Variants in FGF14 observed in about 807,000 individuals in gnomAD.
FGF14 encodes fibroblast growth factor 14.
In FGF14, 5 loss-of-function variants were observed where a neutral mutation model predicts 25.5. That is an observed-to-expected ratio of 0.20 (90% CI 0.10 to 0.41). The LOEUF (loss-of-function observed/expected upper bound fraction) is 0.41. FGF14 is among the 10% of genes least tolerant of loss of function. The probability of loss-of-function intolerance (pLI) is 1.00; values close to 1 mark genes in which losing one functional copy is unlikely to be tolerated. For synonymous variants in FGF14, 138 were observed against 118.3 expected (o/e 1.17, Z -1.08); for missense variants, 222 against 320.1 (o/e 0.69, Z 2.34).
intron 3 of FGF14, among the ~76,000 whole-genome samples, chr13:101,733,112 G>A (rs1256024541): frequency 6.6e-6 from 1 of 152,122 alleles, no homozygotes; most frequent in African/African-American, 2.4e-5. Flanking sequence ...CAGTCCTGAA[G>A]TTGAAACAAA....
At chr13:101,739,759 G>A (rs758026568) in intron 3 of FGF14, among the ~76,000 whole-genome samples, 26 of 152,062 alleles carry the variant, frequency 1.7e-4, no homozygotes, top group Non-Finnish European at 2.2e-4. Flanking sequence ...AGAGAGAGAC[G>A]CTCTCATATT....
intron 1 of FGF14, among the ~76,000 whole-genome samples, chr13:101,924,639 T>C (rs186370132): frequency 6.6e-5 from 10 of 152,338 alleles, no homozygotes; most frequent in Non-Finnish European, 5.9e-5. Context: ...TGTCTGTTTA[T>C]AAAACATCCA....
chr13:101,980,427 A>G (rs926588661), intron 1 of FGF14, among the ~76,000 whole-genome samples: 2 of 152,176 alleles, frequency 1.3e-5, no homozygotes, highest in African/African-American at 4.8e-5. Context: ...TATGTAAGAG[A>G]AATAATGTAA....
intron 1 of FGF14, among the ~76,000 whole-genome samples, chr13:102,011,952 G>C (rs1457322968): frequency 6.6e-6 from 1 of 152,154 alleles, no homozygotes; most frequent in Non-Finnish European, 1.5e-5. Context: ...GTTCATGAAT[G>C]GTAATTTGTG....
chr13:102,186,614 G>A (rs979438069), intron 1 of FGF14, among the ~76,000 whole-genome samples: 5 of 152,038 alleles, frequency 3.3e-5, no homozygotes, highest in African/African-American at 1.2e-4. Flanking sequence ...CGTAAAGTTT[G>A]ACATGTCTAT....
intron 1 of FGF14, among the ~76,000 whole-genome samples, chr13:102,247,491 CT>C (rs2141053718): frequency 6.6e-6 from 1 of 152,100 alleles, no homozygotes; most frequent in East Asian, 1.9e-4. Context: ...GAAAAAAACC[CT>C]CAATATCACT....
chr13:102,394,384 G>C (rs1037216383), intron 1 of FGF14: 3 of 152,716 alleles, frequency 2.0e-5, no homozygotes, highest in Admixed American at 6.5e-5. Flanking sequence ...GGGCGGCAGA[G>C]CCGGCCGCTC....
At chr13:102,091,223 CTT>C in intron 1 of FGF14, among the ~76,000 whole-genome samples, 1 of 152,248 alleles carries the variant, frequency 6.6e-6, no homozygotes, top group East Asian at 1.9e-4. Flanking sequence ...GTTATTTACT[CTT>C]TGTCTCTCGG....
At chr13:101,786,419 G>A (rs1334424114) in intron 3 of FGF14, among the ~76,000 whole-genome samples, 1 of 152,188 alleles carries the variant, frequency 6.6e-6, no homozygotes, top group Non-Finnish European at 1.5e-5. Flanking sequence ...AGGACGGGGA[G>A]TTAAACAACA....
At position 102,233,889 on chromosome 13, in the gene FGF14, G is replaced by A. The variant is rs570809054; in HGVS notation, c.208+167582C>T. Among the ~76,000 whole-genome samples the A allele has an allele frequency of 4.6e-5, 7 of 152,240 alleles. 1 individual carries two copies. Among genetic ancestry groups the A allele is most frequent in the South Asian group, 2.1e-4 (1 of 4,820 alleles). On this transcript the variant is annotated intron_variant, in intron 1 of 4. Coordinates refer to the FGF14 transcript ENST00000376131. ...TTAATGTGCTTCTAATTGGTTTCTCGTCAAGTTTTTAAACATCTATCTTCA... is the reference window on the plus strand; with the variant it reads ...TTAATGTGCTTCTAATTGGTTTCTCATCAAGTTTTTAAACATCTATCTTCA...
intron 3 of FGF14, among the ~76,000 whole-genome samples, chr13:101,795,458 G>A (rs1219436193): frequency 6.6e-6 from 1 of 152,044 alleles, no homozygotes; most frequent in African/African-American, 2.4e-5. Flanking sequence ...GATATGAGGA[G>A]GGGAAATTAA....
intron 3 of FGF14, among the ~76,000 whole-genome samples, chr13:101,838,339 G>C (rs1462532895): frequency 6.6e-6 from 1 of 151,920 alleles, no homozygotes; most frequent in Non-Finnish European, 1.5e-5. Flanking sequence ...ATTCCCCTAA[G>C]AGGTGACATG....
At chr13:101,957,562 C>A (rs2036587946) in intron 1 of FGF14, among the ~76,000 whole-genome samples, 1 of 152,146 alleles carries the variant, frequency 6.6e-6, no homozygotes, top group Non-Finnish European at 1.5e-5. Context: ...TTGTTCAACC[C>A]ACCAAATCAG....
At chr13:102,321,407 T>G (rs1191034837) in intron 1 of FGF14, among the ~76,000 whole-genome samples, 1 of 152,204 alleles carries the variant, frequency 6.6e-6, no homozygotes. Flanking sequence ...AAATAAGTAT[T>G]TAACAATGCA....
At chr13:101,811,101 G>A (rs2041487269) in intron 3 of FGF14, among the ~76,000 whole-genome samples, 1 of 138,666 alleles carries the variant, frequency 7.2e-6, no homozygotes, top group Non-Finnish European at 1.5e-5. Flanking sequence ...CTATGAAACT[G>A]CACTGACAAA....
intron 1 of FGF14, among the ~76,000 whole-genome samples, chr13:102,324,734 A>T (rs1456135572): frequency 6.6e-6 from 1 of 152,228 alleles, no homozygotes; most frequent in Non-Finnish European, 1.5e-5. Context: ...ACTAAGGCTA[A>T]TAAGATAAGA....
chr13:101,781,292 T>C (rs2039479261), intron 3 of FGF14, among the ~76,000 whole-genome samples: 4 of 152,216 alleles, frequency 2.6e-5, no homozygotes, highest in Admixed American at 2.0e-4. Flanking sequence ...CTATGTATTT[T>C]CAGTTCACTG....
At chr13:102,296,892 T>A (rs1370849457) in intron 1 of FGF14, among the ~76,000 whole-genome samples, 2 of 152,106 alleles carry the variant, frequency 1.3e-5, no homozygotes, top group African/African-American at 4.8e-5. Flanking sequence ...CTGAAATAAT[T>A]TACATGTTTC....
chr13:101,918,859 C>G (rs948961650), upstream of FGF14, among the ~76,000 whole-genome samples: 1 of 152,168 alleles, frequency 6.6e-6, no homozygotes, highest in Non-Finnish European at 1.5e-5. Context: ...AGTTTATTTT[C>G]TACACTTTGC....
Sources: allele counts gnomAD v4.1 joint callset (sites outside exome capture counted in the v4.1 genomes callset), GRCh38; gene constraint gnomAD v4.1.1; transcripts MANE v1.5; gene names NCBI Gene and HGNC (gene_info 2026-07-23, HGNC 2026-07-21).